EIF4H: variants seen among roughly 807,000 people sequenced by gnomAD.
EIF4H encodes Williams-Beuren syndrome chromosome region 1.
In EIF4H, 8 loss-of-function variants were observed where a neutral mutation model predicts 30.6. The ratio of observed to expected loss-of-function variants is 0.26; its 90% confidence interval spans 0.15 to 0.47. EIF4H has a LOEUF of 0.47. Among genes scored for constraint, EIF4H ranks in the 20% least tolerant of loss-of-function variants. The pLI is 0.99. For missense variants in EIF4H, 188 were observed against 339.5 expected, an observed-to-expected ratio of 0.55 and a Z score of 3.51; for synonymous variants, 106 against 122.7, an observed-to-expected ratio of 0.86 and a Z score of 0.90.
At chr7:74,174,638 GT>G (rs1800794606) in intron 1 of EIF4H, among the ~76,000 whole-genome samples, 196 bp downstream of exon 1, 1 of 152,150 alleles carries the variant, frequency 6.6e-6, no homozygotes, top group African/African-American at 2.4e-5. Context: ...GGCTCCCGGG[GT>G]CTTGCTTGCG....
At chr7:74,190,158 G>C in intron 4 of EIF4H, 89 bp from the exon 5 acceptor site, 1 of 1,349,288 alleles carries the variant, frequency 7.4e-7, no homozygotes, top group Non-Finnish European at 1.0e-6. Context: ...TCCATCACTT[G>C]AGTTGTATGT....
chr7:74,183,757 G>C (rs1801017643), intron 1 of EIF4H: 1 of 152,024 alleles, frequency 6.6e-6, no homozygotes, highest in Admixed American at 6.6e-5. Flanking sequence ...GATGTGATGT[G>C]ATGTCATCCT....
chr7:74,190,309 A>G lies in EIF4H; in HGVS notation c.469+3A>G, dbSNP rs781980423. Reference sequence around the variant, plus strand: ...TTCCCGGGATGACTTCAATTCTGGTATCAGTATTTAAAGTATCACCACTTA... The same window carrying G: ...TTCCCGGGATGACTTCAATTCTGGTGTCAGTATTTAAAGTATCACCACTTA... On this transcript the variant is annotated splice_donor_region_variant and intron_variant, in intron 5 of 6. Transcript: ENST00000265753. The G allele has an allele frequency of 1.9e-6, 3 of 1,613,820 alleles. No individual in the cohort carries two copies. The highest frequency in any genetic ancestry group is 1.1e-5 in the South Asian group (1 of 91,082).
At chr7:74,186,829 T>C (rs1801093771) in intron 1 of EIF4H, among the ~76,000 whole-genome samples, 2 of 72,096 alleles carry the variant, frequency 2.8e-5, no homozygotes, top group East Asian at 3.7e-4. Flanking sequence ...TTTTTTTTTT[T>C]TTTTTTTTTT....
At chr7:74,189,566 G>C in intron 2 of EIF4H, 107 bp from the exon 3 acceptor site, 1 of 1,280,372 alleles carries the variant, frequency 7.8e-7, no homozygotes, top group Non-Finnish European at 1.1e-6. Flanking sequence ...CCATCATCTA[G>C]ACAACAGAAT....
intron 5 of EIF4H, among the ~76,000 whole-genome samples, chr7:74,192,622 C>G (rs1801245291): frequency 6.7e-6 from 1 of 149,978 alleles, no homozygotes; most frequent in African/African-American, 2.5e-5. Flanking sequence ...TGCTACAGAT[C>G]ACAACATTTT....
Position 74,194,783 on chromosome 7 carries a change from C to A in EIF4H, c.512C>A (p.Pro171Gln). Residue 171 changes from proline to glutamine, a missense_variant, in exon 6 of 7, where the codon CCA (proline) becomes CAA (glutamine). Transcript: ENST00000265753. ...DFLGGRGGSR[P>Q]GDRRTGPPMG... ...TTAGGGGGCAGGGGAGGTAGTCGCC[C>A]AGGCGACCGGCGAACAGGCCCCCCC... 1 of 1,600,532 alleles carries A rather than the reference C, an allele frequency of 6.2e-7. No homozygotes were observed. The highest frequency in any genetic ancestry group is 8.6e-7 in the Non-Finnish European group (1 of 1,168,776).
intron 2 of EIF4H, among the ~76,000 whole-genome samples, chr7:74,188,479 G>A (rs1299653442): frequency 6.6e-6 from 1 of 152,164 alleles, no homozygotes; most frequent in Non-Finnish European, 1.5e-5. Flanking sequence ...TGACAAGTAT[G>A]GGGTAACTTG....
intron 1 of EIF4H, among the ~76,000 whole-genome samples, chr7:74,176,521 A>G (rs548750933): frequency 6.6e-6 from 1 of 152,372 alleles, no homozygotes; most frequent in East Asian, 1.9e-4. Flanking sequence ...GTACTTGTGT[A>G]GGCACCTTCT....
chr7:74,186,610 G>T (rs889345875), intron 1 of EIF4H, among the ~76,000 whole-genome samples: 10 of 152,082 alleles, frequency 6.6e-5, no homozygotes, highest in East Asian at 5.8e-4. Flanking sequence ...AACGACGCTT[G>T]ATACAGCTGA....
chr7:74,189,638 A>C, intron 2 of EIF4H, 35 bp from the exon 3 acceptor site: 1 of 1,609,824 alleles, frequency 6.2e-7, no homozygotes, highest in Non-Finnish European at 8.5e-7. Flanking sequence ...ACCCAGAATT[A>C]CTTGAGGAAA....
chr7:74,191,112 C>A, intron 5 of EIF4H: 1 of 524,338 alleles, frequency 1.9e-6, no homozygotes, highest in Non-Finnish European at 3.9e-6. Context: ...TGCACGCTGT[C>A]TTGTGAGTCT....
intron 1 of EIF4H, 64 bp from the exon 2 acceptor site, chr7:74,187,547 C>T (rs1801113927): frequency 9.8e-6 from 14 of 1,425,666 alleles, no homozygotes; most frequent in South Asian, 6.9e-5. Flanking sequence ...AGCGGAAGAC[C>T]GCTTTACTTG....
chr7:74,185,996 G>A (rs1210329431), intron 1 of EIF4H, among the ~76,000 whole-genome samples: 1 of 152,028 alleles, frequency 6.6e-6, no homozygotes, highest in Non-Finnish European at 1.5e-5. Context: ...CTACAATAAG[G>A]TTGAAATAAT....
chr7:74,194,731 T>G lies in EIF4H; in HGVS notation c.470-10T>G. The G allele has an allele frequency of 6.4e-7, 1 of 1,567,640 alleles. No homozygotes were observed. The highest frequency in any genetic ancestry group is 8.7e-7 in the Non-Finnish European group (1 of 1,149,504). ...TTGAAAAGTAATTCAGTGTCCTGTT[T>G]CTTCCTCAGGCTTCAGGGATGACTT... On this transcript the variant is annotated splice_polypyrimidine_tract_variant and intron_variant, in intron 5 of 6. Transcript: ENST00000265753.
At chr7:74,176,719 T>C in intron 1 of EIF4H, among the ~76,000 whole-genome samples, 1 of 152,226 alleles carries the variant, frequency 6.6e-6, no homozygotes, top group East Asian at 1.9e-4. Context: ...GGAAACAGTA[T>C]TGAACCACTG....
chr7:74,188,300 A>G (rs983598905), intron 2 of EIF4H, among the ~76,000 whole-genome samples: 3 of 152,182 alleles, frequency 2.0e-5, no homozygotes, highest in Non-Finnish European at 2.9e-5. Context: ...TATGGTGTCT[A>G]TAGGTCGTGT....
At chr7:74,192,272 A>G (rs1181925702) in intron 5 of EIF4H, among the ~76,000 whole-genome samples, 2 of 152,216 alleles carry the variant, frequency 1.3e-5, no homozygotes, top group Non-Finnish European at 2.9e-5. Flanking sequence ...AAATGTTTTA[A>G]TACTAACTAG....
At chr7:74,186,788 A>AATTTTTTTT (rs1801089805) in intron 1 of EIF4H, among the ~76,000 whole-genome samples, 1 of 70,118 alleles carries the variant, frequency 1.4e-5, no homozygotes, top group African/African-American at 4.9e-5. Flanking sequence ...ACAAGGAGAA[A>AATTTTTTTT]TTTTTTTTTT....
Sources: gnomAD v4.1 joint callset for allele counts (sites outside exome capture counted in the v4.1 genomes callset) on GRCh38, gnomAD v4.1.1 for gene constraint, MANE v1.5 for transcripts, NCBI Gene and HGNC (gene_info 2026-07-23, HGNC 2026-07-21) for gene names.